SIPA1L3: variants seen among roughly 807,000 people sequenced by gnomAD.
SIPA1L3 encodes the protein signal induced proliferation associated 1 like 3, also known as signal-induced proliferation-associated 1-like protein 3.
SIPA1L3 carries 59 observed loss-of-function variants against 150.1 expected under a neutral mutation model. That is an observed-to-expected ratio of 0.39 (90% confidence interval 0.32 to 0.49). The LOEUF is 0.49. Among genes scored for constraint, SIPA1L3 ranks in the 20% least tolerant of loss-of-function variants. The pLI, the probability that SIPA1L3 is intolerant of heterozygous loss-of-function variation, is 0.86. For missense variants in SIPA1L3, 2,211 were observed against 2,489.5 expected, an observed-to-expected ratio of 0.89 and a Z score of 2.38; for synonymous variants, 1,070 against 1,077.6, an observed-to-expected ratio of 0.99 and a Z score of 0.14.
In SIPA1L3 at chr19:38,119,623, C is replaced by A; in HGVS notation, c.2609C>A (p.Ala870Asp). The change falls in exon 9 of 22, where the codon GCC becomes GAC. Residue 870 changes from alanine (A) to aspartate (D), a missense_variant. Physicochemically the swap from Ala to Asp is moderately radical, Grantham distance 126. Coordinates refer to ENST00000222345, the MANE Select transcript of SIPA1L3 (RefSeq NM_015073.3). ...RAGAEQHSAG[A>D]IAWRVVAQDY... is the part of the protein sequence containing the mutation. ...GGCGCTGAGCAGCACAGTGCAGGGG[C>A]CATCGCCTGGAGGGTGGTGGCCCAG... 6.2e-7 allele frequency: 1 copy of A among 1,614,178 alleles called. No individual in the cohort carries two copies. The highest frequency in any genetic ancestry group is 8.5e-7 in the Non-Finnish European group (1 of 1,180,016).
At chr19:38,112,011 A>T (rs855629) in intron 8 of SIPA1L3, among the ~76,000 whole-genome samples, 3 of 148,304 alleles carry the variant, frequency 2.0e-5, no homozygotes, top group African/African-American at 7.5e-5. Flanking sequence ...ACAGGCACAC[A>T]CATGCACACA....
intron 1 of SIPA1L3, among the ~76,000 whole-genome samples, chr19:38,005,871 A>C (rs1285948253): frequency 6.6e-6 from 1 of 152,122 alleles, no homozygotes; most frequent in African/African-American, 2.4e-5. Flanking sequence ...AACATGCTGA[A>C]ACCCCATCTC....
chr19:38,047,005 A>C lies in SIPA1L3; in HGVS notation c.-311+17849A>C, dbSNP rs1969074864. Among the ~76,000 whole-genome samples, 1 of 152,156 alleles carries C rather than the reference A, an allele frequency of 6.6e-6. No homozygotes were observed. The highest frequency in any genetic ancestry group is 1.5e-5 in the Non-Finnish European group (1 of 68,026). ...GGCTCCCCAGCCAGGCGTGGTCCCC[A>C]CTGCTAAGTATGTTATAGGTGTTGA... is the stretch of plus-strand genomic sequence containing the variant. On this transcript the variant is annotated intron_variant, in intron 2 of 21. Coordinates refer to ENST00000222345, the MANE Select transcript of SIPA1L3 (RefSeq NM_015073.3). The surrounding 1 kb of genome is among the most constrained non-coding windows in gnomAD (Gnocchi z 4.7).
At chr19:38,177,727 C>A (rs1206719578) in intron 15 of SIPA1L3, among the ~76,000 whole-genome samples, 1 of 151,150 alleles carries the variant, frequency 6.6e-6, no homozygotes, top group Non-Finnish European at 1.5e-5. Flanking sequence ...AGTTTTTGAT[C>A]ATAAGGATAT....
intron 6 of SIPA1L3, among the ~76,000 whole-genome samples, chr19:38,104,861 G>A (rs1039193821): frequency 7.3e-5 from 11 of 151,440 alleles, no homozygotes; most frequent in Non-Finnish European, 1.0e-4. Context: ...GTGAGCCACC[G>A]CGCCTGGCCA....
intron 1 of SIPA1L3, among the ~76,000 whole-genome samples, chr19:37,988,786 G>A (rs1287303151): frequency 1.3e-5 from 2 of 152,166 alleles, no homozygotes; most frequent in Non-Finnish European, 2.9e-5. Flanking sequence ...TCTCTGCCTT[G>A]TCCTCTGCTT....
intron 2 of SIPA1L3, among the ~76,000 whole-genome samples, chr19:38,032,073 T>TCTAC (rs1968665748): frequency 6.6e-6 from 1 of 152,236 alleles, no homozygotes; most frequent in South Asian, 2.1e-4. Context: ...CCGGGTCTTG[T>TCTAC]CTACAGCAGT....
chr19:38,082,037 T>G lies in SIPA1L3; in HGVS notation c.472T>G (p.Ser158Ala), dbSNP rs749001409. 1 of 1,613,904 alleles carries G rather than the reference T, an allele frequency of 6.2e-7. No individual in the cohort carries two copies. Among genetic ancestry groups the G allele is most frequent in the Non-Finnish European group, 8.5e-7 (1 of 1,179,958 alleles). The stretch of plus-strand genomic sequence containing the variant: ...GGAGTTCCAGGACGGGTGGCCCCGG[T>G]CCCCCGGCAGGGCCTTCCTCCCCCT... ...DVEFQDGWPR[S>A]PGRAFLPLRH... is the part of the protein sequence containing the mutation. The change falls in exon 3 of 22, where the codon TCC (serine) becomes GCC (alanine). Residue 158 changes from serine to alanine, a missense_variant. By Grantham distance (99) the Ser-to-Ala change is moderately conservative. Around this residue, in one of 5 missense-constraint regions of SIPA1L3, gnomAD observed 587 missense variants for 534.5 expected, o/e 1.10. Transcript: ENST00000222345.
At chr19:37,928,001 G>A (rs566408999) in intron 1 of SIPA1L3, among the ~76,000 whole-genome samples, 3 of 152,138 alleles carry the variant, frequency 2.0e-5, no homozygotes, top group Non-Finnish European at 2.9e-5. Context: ...ACATGCTATC[G>A]TGAAGAGTGC....
chr19:38,111,118 G>A (rs1350640486), intron 8 of SIPA1L3, among the ~76,000 whole-genome samples: 2 of 151,108 alleles, frequency 1.3e-5, no homozygotes, highest in African/African-American at 2.4e-5. Flanking sequence ...TGACCCCCCC[G>A]GGCTCAAACG....
chr19:37,988,222 CAA>C (rs949841624), intron 1 of SIPA1L3, among the ~76,000 whole-genome samples: 1 of 152,214 alleles, frequency 6.6e-6, no homozygotes, highest in Non-Finnish European at 1.5e-5. Context: ...GCATCTCACT[CAA>C]GAGAAAAGTC....
intron 1 of SIPA1L3, among the ~76,000 whole-genome samples, chr19:37,941,085 CAT>C (rs1491404845): frequency 0.057 from 7,317 of 127,622 alleles, 237 homozygotes; most frequent in African/African-American, 0.11. Context: ...CACACACACA[CAT>C]ACACACACAC....
intron 16 of SIPA1L3, among the ~76,000 whole-genome samples, chr19:38,183,681 G>C (rs377157488): frequency 5.3e-5 from 8 of 152,344 alleles, no homozygotes; most frequent in African/African-American, 1.9e-4. Flanking sequence ...TCAGCCTAGA[G>C]CTGCGAGGCT....
chr19:38,085,444 C>T (rs1260936092), intron 3 of SIPA1L3, among the ~76,000 whole-genome samples: 3 of 145,264 alleles, frequency 2.1e-5, no homozygotes, highest in Non-Finnish European at 3.0e-5. Flanking sequence ...CGCGCCACTG[C>T]GCTCCAGCCT....
chr19:37,909,553 C>T (rs2046361741), intron 1 of SIPA1L3, among the ~76,000 whole-genome samples: 1 of 152,112 alleles, frequency 6.6e-6, no homozygotes, highest in South Asian at 2.1e-4. Context: ...CATACGTAAA[C>T]CTATGTAACA....
chr19:38,180,054 T>C (rs1000646700), intron 15 of SIPA1L3, among the ~76,000 whole-genome samples: 2 of 152,232 alleles, frequency 1.3e-5, no homozygotes, highest in African/African-American at 2.4e-5. Context: ...TTGGCCAGGC[T>C]GCGAGCTCTC....
chr19:38,111,251 TG>T (rs1970733912), intron 8 of SIPA1L3, among the ~76,000 whole-genome samples: 2 of 152,040 alleles, frequency 1.3e-5, no homozygotes, highest in African/African-American at 4.8e-5. Context: ...AGGCTGGTCT[TG>T]AACTCTTGGC....
At chr19:38,111,586 G>A (rs576848448) in intron 8 of SIPA1L3, among the ~76,000 whole-genome samples, 23 of 152,342 alleles carry the variant, frequency 1.5e-4, no homozygotes, top group African/African-American at 5.5e-4. Flanking sequence ...AATTACCGCG[G>A]GTCTACCAGC....
chr19:38,197,135 C>T (rs973113495), intron 18 of SIPA1L3, among the ~76,000 whole-genome samples: 1 of 152,108 alleles, frequency 6.6e-6, no homozygotes, highest in Non-Finnish European at 1.5e-5. Flanking sequence ...CCCCCGCCTC[C>T]GCCAGCCTCA....
Sources: gnomAD v4.1 joint callset for allele counts (sites outside exome capture counted in the v4.1 genomes callset) on GRCh38, gnomAD v4.1.1 for gene constraint, gnomAD v4.1.1 regional missense constraint, Gnocchi (gnomAD v3.1) non-coding constraint, MANE v1.5 for transcripts, NCBI Gene and HGNC (gene_info 2026-07-23, HGNC 2026-07-21) for gene names.